Variants in ALCAM observed in about 807,000 individuals in gnomAD.
ALCAM encodes the protein CD166 antigen.
In ALCAM, 30 loss-of-function variants were observed where a neutral mutation model predicts 70.9. That is an observed-to-expected ratio of 0.42 (90% confidence interval 0.32 to 0.57). The LOEUF is 0.57. Ranked by LOEUF, ALCAM falls within the 20% of genes least tolerant of loss-of-function variation. The probability of loss-of-function intolerance (pLI) is 0.11; values close to 1 mark genes in which losing one functional copy is unlikely to be tolerated. For synonymous variants in ALCAM, 249 were observed against 242.5 expected (o/e 1.03, Z -0.25); for missense variants, 591 against 695.1 (o/e 0.85, Z 1.68).
At chr3:105,495,015 T>C (rs910542280) in intron 1 of ALCAM, among the ~76,000 whole-genome samples, 6 of 152,184 alleles carry the variant, frequency 3.9e-5, no homozygotes, top group Non-Finnish European at 5.9e-5. Flanking sequence ...CTTATTCTTA[T>C]CGCAACTCCC....
intron 1 of ALCAM, among the ~76,000 whole-genome samples, chr3:105,440,649 C>T (rs1937150298): frequency 2.0e-5 from 3 of 152,138 alleles, no homozygotes; most frequent in Non-Finnish European, 4.4e-5. Context: ...GCCCACATGC[C>T]CTGGGGAATC....
chr3:105,437,813 A>C (rs1937085005), intron 1 of ALCAM, among the ~76,000 whole-genome samples: 2 of 152,126 alleles, frequency 1.3e-5, no homozygotes, highest in African/African-American at 2.4e-5. Flanking sequence ...CCATACTTAA[A>C]CTATTCTATA....
chr3:105,386,580 C>G (rs1234093814), intron 1 of ALCAM, among the ~76,000 whole-genome samples: 1 of 151,396 alleles, frequency 6.6e-6, no homozygotes, highest in African/African-American at 2.4e-5. Context: ...ACAGTCTAGA[C>G]TTGGGCTTGT....
intron 1 of ALCAM, among the ~76,000 whole-genome samples, chr3:105,389,953 G>A (rs1038823508): frequency 6.6e-6 from 1 of 151,618 alleles, no homozygotes; most frequent in Non-Finnish European, 1.5e-5. Context: ...TCCATTGTAT[G>A]TATGTACCAC....
In ALCAM at chr3:105,486,148, G is replaced by T. The variant is rs997900460; in HGVS notation, c.74-33919G>T. Among the ~76,000 whole-genome samples, 5 of 152,012 alleles carry T rather than the reference G, an allele frequency of 3.3e-5. No individual in the cohort carries two copies. In the East Asian group the frequency reaches 9.6e-4, roughly 29 times the overall value. ...TTTAATGTTTTCAGATGAAAGCATT[G>T]ATCCTTCCATGCTTCATAAAATGGC... On this transcript the variant is annotated intron_variant, in intron 1 of 15. Coordinates refer to ENST00000306107, the MANE Select transcript of ALCAM (RefSeq NM_001627.4).
At chr3:105,422,119 A>G (rs1242086075) in intron 1 of ALCAM, among the ~76,000 whole-genome samples, 2 of 151,412 alleles carry the variant, frequency 1.3e-5, no homozygotes, top group Non-Finnish European at 3.0e-5. Context: ...GAGTGACTTC[A>G]TTTAGAATAA....
At chr3:105,368,195 CA>C (rs1935121259) in intron 1 of ALCAM, among the ~76,000 whole-genome samples, 1 of 120,660 alleles carries the variant, frequency 8.3e-6, no homozygotes. Flanking sequence ...CATAGAGCCT[CA>C]GTTCTCAGTT....
chr3:105,367,292 G>C lies in ALCAM; in HGVS notation c.-117G>C. 1.0e-6 allele frequency: 1 copy of C among 973,574 alleles called. No homozygotes were observed. Among genetic ancestry groups the C allele is most frequent in the Non-Finnish European group, 1.6e-6 (1 of 636,438 alleles). 60.3% of individuals were successfully genotyped at this position (973,574 alleles called of 1,614,324 possible). ...ACAGCCCAGGGGACGGTGTGTCTGG[G>C]AGAAGACGCTGCCCCTGCGTCGGGA... On this transcript the variant is annotated 5_prime_UTR_variant, in exon 1 of 16. Coordinates refer to ENST00000306107, the MANE Select transcript of ALCAM (RefSeq NM_001627.4).
intron 1 of ALCAM, among the ~76,000 whole-genome samples, chr3:105,485,929 G>A (rs933877754): frequency 6.6e-6 from 1 of 151,856 alleles, no homozygotes; most frequent in Admixed American, 6.6e-5. Context: ...AAAAAGAATA[G>A]TTCTTACAAT....
intron 1 of ALCAM, among the ~76,000 whole-genome samples, chr3:105,430,653 C>G (rs1429800077): frequency 2.0e-5 from 3 of 152,054 alleles, no homozygotes; most frequent in African/African-American, 7.2e-5. Context: ...AGTTACGCTT[C>G]TTCCCTTTTT....
intron 1 of ALCAM, among the ~76,000 whole-genome samples, chr3:105,477,211 C>T (rs1373152015): frequency 6.6e-6 from 1 of 151,954 alleles, no homozygotes; most frequent in Non-Finnish European, 1.5e-5. Flanking sequence ...AGGAAAATTC[C>T]CTTTTATATT....
At chr3:105,539,791 C>T (rs1363234277) in intron 6 of ALCAM, among the ~76,000 whole-genome samples, 184 bp from the exon 7 acceptor site, 1 of 152,012 alleles carries the variant, frequency 6.6e-6, no homozygotes, top group Admixed American at 6.6e-5. Context: ...GTAGTTGGCC[C>T]TAAGATTAGT....
In ALCAM at chr3:105,541,563, A is replaced by C. The variant is rs1264468342; in HGVS notation, c.859-70A>C. 4 of 1,512,174 alleles carry C rather than the reference A, an allele frequency of 2.6e-6. No individual in the cohort carries two copies. The East Asian group carries it at 6.9e-5, about 26-fold the overall frequency. 93.7% of individuals were successfully genotyped at this position (1,512,174 alleles called of 1,614,324 possible). A position where few individuals can be genotyped will look rare whatever the true frequency, so the allele number is the denominator to read the frequency against. ...TCTTACTTGATAAAATGCTATCTTCATCAAGAAATACAACTGTTCTCATTG... is the reference window on the plus strand; with the variant it reads ...TCTTACTTGATAAAATGCTATCTTCCTCAAGAAATACAACTGTTCTCATTG... On this transcript the variant is annotated intron_variant, in intron 7 of 15. Coordinates refer to ENST00000306107, the MANE Select transcript of ALCAM (RefSeq NM_001627.4).
intron 1 of ALCAM, among the ~76,000 whole-genome samples, chr3:105,424,183 T>TA (rs1412195850): frequency 6.6e-6 from 1 of 151,582 alleles, no homozygotes; most frequent in Non-Finnish European, 1.5e-5. Flanking sequence ...ATCAAATACA[T>TA]AAAAACATAT....
At chr3:105,447,592 C>T (rs773160908) in intron 1 of ALCAM, among the ~76,000 whole-genome samples, 1 of 152,108 alleles carries the variant, frequency 6.6e-6, no homozygotes, top group Non-Finnish European at 1.5e-5. Context: ...TGGGGTGCTA[C>T]CACCCAGCTA....
intron 12 of ALCAM, among the ~76,000 whole-genome samples, chr3:105,551,732 A>G (rs1186012664): frequency 6.6e-6 from 1 of 151,536 alleles, no homozygotes; most frequent in East Asian, 1.9e-4. Context: ...ACACTGGAGG[A>G]TGACAATGAA....
At chr3:105,431,762 T>C (rs912575779) in intron 1 of ALCAM, among the ~76,000 whole-genome samples, 1 of 152,180 alleles carries the variant, frequency 6.6e-6, no homozygotes, top group Non-Finnish European at 1.5e-5. Flanking sequence ...GTTTTCACCC[T>C]GTTTTTGTTA....
chr3:105,468,479 T>G (rs895393931), intron 1 of ALCAM, among the ~76,000 whole-genome samples: 2 of 151,254 alleles, frequency 1.3e-5, no homozygotes, highest in African/African-American at 2.4e-5. Flanking sequence ...ATAATATTAA[T>G]TTGTCATAAA....
chr3:105,532,068 T>G lies in ALCAM; in HGVS notation c.459+2T>G. 1 of 1,612,550 alleles carries G rather than the reference T, an allele frequency of 6.2e-7. No homozygotes were observed. The highest frequency in any genetic ancestry group is 8.5e-7 in the Non-Finnish European group (1 of 1,179,048). On this transcript the variant is annotated splice_donor_variant, in intron 4 of 15. Transcript: ENST00000306107. LOFTEE classifies it high-confidence loss of function. ...CTCGAAACAGAGCAGCTAAAAAAGG[T>G]AAGAATTGTTTTTGATTAATACCTT...
Sources: gnomAD v4.1 joint callset for allele counts (sites outside exome capture counted in the v4.1 genomes callset) on GRCh38, gnomAD v4.1.1 for gene constraint, MANE v1.5 for transcripts, NCBI Gene and HGNC (gene_info 2026-07-23, HGNC 2026-07-21) for gene names.